The following GABBR2 variants were observed in gnomAD, a reference collection of about 807,000 sequenced individuals.
GABBR2 encodes the protein gamma-aminobutyric acid type B receptor subunit 2, also known as G-protein coupled receptor 51.
In GABBR2, 23 loss-of-function variants were observed where a neutral mutation model predicts 105.6. The ratio of observed to expected loss-of-function variants is 0.22; its 90% CI spans 0.16 to 0.31. GABBR2 has a LOEUF of 0.31. Among genes scored for constraint, GABBR2 ranks in the 10% least tolerant of loss-of-function variants. The pLI is 1.00. For missense variants in GABBR2, 734 were observed against 1,245.5 expected, an observed-to-expected ratio of 0.59 and a Z score of 6.18; for synonymous variants, 478 against 499.7, an observed-to-expected ratio of 0.96 and a Z score of 0.58.
At chr9:98,535,127 C>G (rs1828146725) in intron 3 of GABBR2, among the ~76,000 whole-genome samples, 1 of 152,124 alleles carries the variant, frequency 6.6e-6, no homozygotes, top group African/African-American at 2.4e-5. Context: ...GGAACAGAGT[C>G]TCACTCTGTT....
intron 7 of GABBR2, among the ~76,000 whole-genome samples, chr9:98,423,736 T>C (rs1230377437): frequency 6.6e-6 from 1 of 152,256 alleles, no homozygotes; most frequent in South Asian, 2.1e-4. Flanking sequence ...TTTATGGTTT[T>C]AGGTGTAACG....
intron 1 of GABBR2, among the ~76,000 whole-genome samples, chr9:98,578,537 G>A (rs1189209811): frequency 1.3e-5 from 2 of 152,046 alleles, no homozygotes; most frequent in Non-Finnish European, 2.9e-5. Context: ...CAGCTGCTGT[G>A]GAAACAGTAT....
chr9:98,636,069 G>A (rs1036192967), intron 1 of GABBR2, among the ~76,000 whole-genome samples: 5 of 152,148 alleles, frequency 3.3e-5, no homozygotes, highest in Admixed American at 3.3e-4. Flanking sequence ...CTGGGAAGTA[G>A]TCCTGGGCTT....
At chr9:98,331,457 T>A (rs979930805) in intron 13 of GABBR2, among the ~76,000 whole-genome samples, 7 of 125,888 alleles carry the variant, frequency 5.6e-5, no homozygotes, top group African/African-American at 9.1e-5. Flanking sequence ...AGCAGCCACC[T>A]CCTCTGCGTT....
chr9:98,304,530 C>G (rs1448523104), intron 15 of GABBR2, among the ~76,000 whole-genome samples: 2 of 152,200 alleles, frequency 1.3e-5, no homozygotes, highest in African/African-American at 4.8e-5. Context: ...GCAGAGAAGT[C>G]ACGGTGTTGC....
intron 11 of GABBR2, among the ~76,000 whole-genome samples, chr9:98,383,309 G>GGA (rs1832012429): frequency 6.6e-6 from 1 of 152,194 alleles, no homozygotes; most frequent in Non-Finnish European, 1.5e-5. Context: ...GAGAAGCTCA[G>GGA]CTTCTTTGGA....
At chr9:98,660,900 C>T (rs148604351) in intron 1 of GABBR2, among the ~76,000 whole-genome samples, 169 of 152,312 alleles carry the variant, frequency 1.1e-3, no homozygotes, top group African/African-American at 3.5e-3. Flanking sequence ...ATAATATCCC[C>T]ATCTCAAGAT....
chr9:98,506,695 A>G lies in GABBR2; in HGVS notation c.631-10181T>C, dbSNP rs559683549. On this transcript the variant is annotated intron_variant, in intron 3 of 18. Transcript: ENST00000259455. ...TGAGGGCAGCTGGAGTTCCCTGGGG[A>G]CAGTTCCCTGCCTCTCTCACAATGG... is the stretch of plus-strand genomic sequence containing the variant. 3.9e-5 allele frequency among the ~76,000 whole-genome samples: 6 copies of G among 152,226 alleles called. No individual in the cohort carries two copies. In the South Asian group the frequency reaches 1.2e-3, roughly 32 times the overall value.
intron 1 of GABBR2, among the ~76,000 whole-genome samples, chr9:98,691,613 C>T (rs1830683279): frequency 6.6e-6 from 1 of 152,152 alleles, no homozygotes; most frequent in Admixed American, 6.5e-5. Context: ...CACTGCGGGC[C>T]CAAAGGTGAC....
intron 3 of GABBR2, among the ~76,000 whole-genome samples, chr9:98,523,622 G>A (rs1020938895): frequency 3.9e-5 from 6 of 152,218 alleles, no homozygotes; most frequent in Non-Finnish European, 7.3e-5. Context: ...AGATCTACAG[G>A]AGGGGCTTGA....
chr9:98,486,001 C>T (rs984802169), intron 4 of GABBR2, among the ~76,000 whole-genome samples: 5 of 152,224 alleles, frequency 3.3e-5, no homozygotes, highest in African/African-American at 9.6e-5. Flanking sequence ...GTCTGTGCTC[C>T]GGAGACCCCT....
At chr9:98,430,140 A>AG (rs1332191171) in intron 7 of GABBR2, among the ~76,000 whole-genome samples, 1 of 152,054 alleles carries the variant, frequency 6.6e-6, no homozygotes, top group Non-Finnish European at 1.5e-5. Flanking sequence ...AAATAAAAAA[A>AG]TTAGCCGGGC....
At chr9:98,332,535 G>T (rs1831046316) in intron 13 of GABBR2, among the ~76,000 whole-genome samples, 1 of 152,190 alleles carries the variant, frequency 6.6e-6, no homozygotes, top group African/African-American at 2.4e-5. Flanking sequence ...TCACGCAGCT[G>T]GGAGGTGGCA....
intron 1 of GABBR2, among the ~76,000 whole-genome samples, chr9:98,704,572 G>GA (rs1372759234): frequency 6.6e-6 from 1 of 151,752 alleles, no homozygotes; most frequent in Non-Finnish European, 1.5e-5. Context: ...TTAACTGAAG[G>GA]AAAAAAACAT....
chr9:98,612,839 T>C (rs1260388114), intron 1 of GABBR2, among the ~76,000 whole-genome samples: 1 of 152,098 alleles, frequency 6.6e-6, no homozygotes, highest in Non-Finnish European at 1.5e-5. Flanking sequence ...CAGAGACTCA[T>C]AGCACGCCCA....
chr9:98,448,493 A>G (rs1353729208), intron 7 of GABBR2, among the ~76,000 whole-genome samples: 1 of 152,192 alleles, frequency 6.6e-6, no homozygotes, highest in African/African-American at 2.4e-5. Context: ...CAGAGGCGTA[A>G]TCAGCCGCAA....
At chr9:98,504,037 C>T (rs1827457106) in intron 3 of GABBR2, among the ~76,000 whole-genome samples, 1 of 152,120 alleles carries the variant, frequency 6.6e-6, no homozygotes, top group Non-Finnish European at 1.5e-5. Flanking sequence ...CCCCCGAGCC[C>T]CCTGTCCCCA....
At chr9:98,604,522 G>C (rs1348272731) in intron 1 of GABBR2, among the ~76,000 whole-genome samples, 2 of 152,168 alleles carry the variant, frequency 1.3e-5, no homozygotes, top group African/African-American at 4.8e-5. Context: ...CATGTAGAAG[G>C]CTGGGCAGAG....
chr9:98,573,255 A>T (rs1257996351), intron 2 of GABBR2, among the ~76,000 whole-genome samples: 1 of 152,220 alleles, frequency 6.6e-6, no homozygotes, highest in Non-Finnish European at 1.5e-5. Flanking sequence ...GAAGACTGGC[A>T]TATAGAACAA....
Sources: allele counts gnomAD v4.1 joint callset (sites outside exome capture counted in the v4.1 genomes callset), GRCh38; gene constraint gnomAD v4.1.1; transcripts MANE v1.5; gene names NCBI Gene and HGNC (gene_info 2026-07-23, HGNC 2026-07-21).